Variants in CPQ observed in about 807,000 individuals in gnomAD.
CPQ encodes carboxypeptidase Q.
In CPQ, 37 loss-of-function variants were observed where a neutral mutation model predicts 45.7. That is an observed-to-expected ratio of 0.81 (90% CI 0.62 to 1.07). CPQ has a LOEUF of 1.07. Ranked by LOEUF, CPQ falls within the 50% of genes least tolerant of loss-of-function variation. The pLI is 0.00. For missense variants in CPQ, 537 were observed against 572.9 expected (o/e 0.94, Z 0.64); for synonymous variants, 186 against 205.8 (o/e 0.90, Z 0.82).
intron 1 of CPQ, among the ~76,000 whole-genome samples, chr8:96,682,636 T>C (rs2514773): frequency 6.6e-5 from 10 of 151,968 alleles, no homozygotes; most frequent in African/African-American, 2.4e-4. Context: ...TGTTGGGTGC[T>C]TGTATGTTTG....
chr8:97,050,684 C>T (rs779187942), intron 6 of CPQ, among the ~76,000 whole-genome samples: 20 of 152,104 alleles, frequency 1.3e-4, no homozygotes, highest in Non-Finnish European at 2.5e-4. Flanking sequence ...AGCAACGTAG[C>T]AAGACCCCAT....
At chr8:97,015,752 G>C (rs1416409867) in intron 5 of CPQ, among the ~76,000 whole-genome samples, 2 of 151,972 alleles carry the variant, frequency 1.3e-5, no homozygotes, top group African/African-American at 4.8e-5. Context: ...TTAAGAACTT[G>C]TCCCAAGAAT....
At chr8:96,901,078 G>A (rs934109167) in intron 4 of CPQ, among the ~76,000 whole-genome samples, 2 of 152,150 alleles carry the variant, frequency 1.3e-5, no homozygotes, top group Admixed American at 6.5e-5. Context: ...GCACCTCACA[G>A]AAGGCTCCAG....
At chr8:96,672,220 C>T (rs994711978) in intron 1 of CPQ, among the ~76,000 whole-genome samples, 12 of 152,102 alleles carry the variant, frequency 7.9e-5, no homozygotes, top group African/African-American at 2.9e-4. Context: ...GACAGGGCTA[C>T]CCCATTGTAC....
chr8:96,753,140 A>T (rs1255503096), intron 1 of CPQ, among the ~76,000 whole-genome samples: 1 of 152,188 alleles, frequency 6.6e-6, no homozygotes, highest in Non-Finnish European at 1.5e-5. Flanking sequence ...CCAGTTTTAC[A>T]CAAACCGTTT....
rs528157250 is a variant in CPQ, at chr8:96,887,495, T to C, written c.849+7490T>C. On this transcript the variant is annotated intron_variant, in intron 4 of 7. Coordinates refer to ENST00000220763, the MANE Select transcript of CPQ (RefSeq NM_016134.4). ...GTCTTTTTCCAGTTTTAATTTATGATGCTTTCATGATTTTCCACAAACAGA... is the reference window on the plus strand; with the variant it reads ...GTCTTTTTCCAGTTTTAATTTATGACGCTTTCATGATTTTCCACAAACAGA... 1.8e-4 allele frequency among the ~76,000 whole-genome samples: 27 copies of C among 152,290 alleles called. No homozygotes were observed. In the South Asian group the frequency reaches 5.0e-3, roughly 28 times the overall value.
chr8:96,791,378 T>A (rs1274657237), intron 2 of CPQ, among the ~76,000 whole-genome samples: 2 of 152,172 alleles, frequency 1.3e-5, no homozygotes, highest in African/African-American at 4.8e-5. Context: ...TTTTGTGTGT[T>A]TTTTTAAAGA....
At chr8:96,766,918 GTA>G (rs1490337762) in intron 1 of CPQ, among the ~76,000 whole-genome samples, 1 of 152,104 alleles carries the variant, frequency 6.6e-6, no homozygotes, top group African/African-American at 2.4e-5. Context: ...ATTTTTCTGT[GTA>G]CTCTCCCCTC....
chr8:96,773,453 T>A (rs1415617767), intron 1 of CPQ, among the ~76,000 whole-genome samples: 2 of 152,142 alleles, frequency 1.3e-5, no homozygotes, highest in African/African-American at 4.8e-5. Context: ...ATCATGATTG[T>A]GATTTCTCCA....
chr8:96,961,279 T>A (rs1813457528), intron 4 of CPQ, among the ~76,000 whole-genome samples: 1 of 152,208 alleles, frequency 6.6e-6, no homozygotes, highest in Non-Finnish European at 1.5e-5. Context: ...TAATTTACAT[T>A]TACATTTCCC....
intron 1 of CPQ, among the ~76,000 whole-genome samples, chr8:96,715,785 C>A (rs1029015098): frequency 3.9e-5 from 6 of 152,160 alleles, no homozygotes; most frequent in African/African-American, 1.2e-4. Flanking sequence ...GGTGCAGTCC[C>A]CCTTTCTGCA....
intron 1 of CPQ, among the ~76,000 whole-genome samples, chr8:96,688,025 C>A: frequency 6.6e-6 from 1 of 151,774 alleles, no homozygotes; most frequent in East Asian, 1.9e-4. Flanking sequence ...TCTGTCATGT[C>A]CTGAGAGAAA....
intron 1 of CPQ, among the ~76,000 whole-genome samples, chr8:96,735,387 T>C (rs910267023): frequency 6.6e-6 from 1 of 152,230 alleles, no homozygotes; most frequent in South Asian, 2.1e-4. Flanking sequence ...GAAACCCTTG[T>C]GGGTATGACT....
intron 2 of CPQ, among the ~76,000 whole-genome samples, chr8:96,826,313 A>G (rs986715136): frequency 6.6e-6 from 1 of 151,990 alleles, no homozygotes; most frequent in Non-Finnish European, 1.5e-5. Flanking sequence ...TATTCATTCT[A>G]TATCTTCTAT....
chr8:97,077,417 A>G (rs1458370089), intron 7 of CPQ, among the ~76,000 whole-genome samples: 1 of 152,246 alleles, frequency 6.6e-6, no homozygotes, highest in Non-Finnish European at 1.5e-5. Flanking sequence ...CACAATAGCA[A>G]CAGGAGGTAG....
At chr8:96,771,092 T>C (rs964408853) in intron 1 of CPQ, among the ~76,000 whole-genome samples, 1 of 143,894 alleles carries the variant, frequency 6.9e-6, no homozygotes, top group Non-Finnish European at 1.5e-5. Context: ...ATATATATAT[T>C]ATATATATAT....
Position 96,802,000 on chromosome 8 carries a change from A to G in CPQ, c.433+16670A>G, listed in dbSNP as rs532784273. On this transcript the variant is annotated intron_variant, in intron 2 of 7. Transcript: ENST00000220763. ...ATTTCTTCTTGATAGTTATGATTCC[A>G]TCTCTTTGTCTTTGTGTTTATTTTT... Among the ~76,000 whole-genome samples the G allele has an allele frequency of 3.3e-5, 5 of 152,150 alleles. No homozygotes were observed. The South Asian group carries it at 1.0e-3, about 32-fold the overall frequency.
intron 1 of CPQ, among the ~76,000 whole-genome samples, chr8:96,716,914 C>CACACAT: frequency 6.6e-6 from 1 of 150,816 alleles, no homozygotes. Context: ...GTCACACACA[C>CACACAT]ACACATACAC....
intron 2 of CPQ, among the ~76,000 whole-genome samples, chr8:96,787,525 C>CTTTTTTTTT (rs71267281): frequency 0.013 from 631 of 47,556 alleles, 204 homozygotes; most frequent in East Asian, 0.026. Flanking sequence ...CTTATAATGT[C>CTTTTTTTTT]TTTTTTTTTT....
Sources: gnomAD v4.1 joint callset for allele counts (sites outside exome capture counted in the v4.1 genomes callset) on GRCh38, gnomAD v4.1.1 for gene constraint, MANE v1.5 for transcripts, NCBI Gene and HGNC (gene_info 2026-07-23, HGNC 2026-07-21) for gene names.